Variants in ZBED6 observed in about 807,000 individuals in gnomAD.
ZBED6 encodes the protein zinc finger BED domain-containing protein 6.
ZBED6 carries 40 observed loss-of-function variants against 58.4 expected under a neutral mutation model. The observed-to-expected ratio is 0.68, with a 90% CI of 0.53 to 0.89. The LOEUF (loss-of-function observed/expected upper bound fraction) is 0.89. ZBED6 is among the 40% of genes least tolerant of loss of function. The pLI, the probability that ZBED6 is intolerant of heterozygous loss-of-function variation, is 0.00. For synonymous variants in ZBED6, 439 were observed against 350.6 expected (o/e 1.25, Z -2.82); for missense variants, 1,057 against 1,003.9 (o/e 1.05, Z -0.71).
In ZBED6 at chr1:203,798,379, AT is replaced by A. The variant is rs1251796544; in HGVS notation, c.858del (p.Asn286LysfsTer7). ...CAGCACATCTCAAGAGCTGTGTGTAATATATGTAAAAGAAGTGTGAGCCGGG... is the reference window on the plus strand; with the variant it reads ...CAGCACATCTCAAGAGCTGTGTGTAAATATGTAAAAGAAGTGTGAGCCGGG... On this transcript the variant is annotated frameshift_variant, in exon 1 of 17. Transcript: ENST00000550078. LOFTEE classifies it high-confidence loss of function. The A allele has an allele frequency of 6.5e-7, 1 of 1,534,916 alleles. No individual in the cohort carries two copies. The highest frequency in any genetic ancestry group is 1.4e-5 in the African/African-American group (1 of 73,114).
At chr1:203,806,177 A>C (rs1437349536) in intron 1 of ZBED6, 2 of 486,686 alleles carry the variant, frequency 4.1e-6, no homozygotes, top group African/African-American at 4.0e-5. Flanking sequence ...TTGTCAGTGG[A>C]TTCTGCCCTG....
In ZBED6 at chr1:203,823,675, A is replaced by T. The variant is rs1055114922; in HGVS notation, c.*2874-4624A>T. Reference sequence around the variant, plus strand: ...AGCTGCTATGCTAACTCTTTTCTGCACTGAGGCTTATTGGCTGTATTGCTT... The same window carrying T: ...AGCTGCTATGCTAACTCTTTTCTGCTCTGAGGCTTATTGGCTGTATTGCTT... On this transcript the variant is annotated intron_variant, in intron 3 of 16. Coordinates refer to ENST00000550078, the Ensembl canonical transcript of ZBED6. Among the ~76,000 whole-genome samples the T allele has an allele frequency of 3.3e-5, 5 of 152,346 alleles. No homozygotes were observed. In the South Asian group the frequency reaches 1.0e-3, roughly 32 times the overall value.
intron 13 of ZBED6, 136 bp downstream of exon 13, chr1:203,848,543 TTA>T (rs1269303599): frequency 1.3e-5 from 9 of 669,712 alleles, no homozygotes; most frequent in Admixed American, 1.3e-4. Flanking sequence ...TTATAATTTC[TTA>T]TGAGAATTTC....
chr1:203,800,560 C>T, exon 1 of ZBED6: 4 of 1,099,836 alleles, frequency 3.6e-6, no homozygotes, highest in Non-Finnish European at 4.8e-6. Flanking sequence ...ATAAACACAT[C>T]TGGGGAAACC....
At chr1:203,837,538 T>C (rs1394853414) in intron 9 of ZBED6, among the ~76,000 whole-genome samples, 1 of 151,864 alleles carries the variant, frequency 6.6e-6, no homozygotes, top group Non-Finnish European at 1.5e-5. Context: ...AGTATTATGA[T>C]CATAGCTCAC....
intron 12 of ZBED6, 43 bp from the exon 13 acceptor site, chr1:203,848,288 A>G (rs1309304510): frequency 9.3e-6 from 14 of 1,507,380 alleles, no homozygotes; most frequent in Admixed American, 3.8e-5. Flanking sequence ...ATGAAGTTGC[A>G]GCTTAAATAA....
At chr1:203,847,749 G>T in intron 12 of ZBED6, 62 bp downstream of exon 12, 1 of 1,557,240 alleles carries the variant, frequency 6.4e-7, no homozygotes, top group Admixed American at 2.0e-5. Flanking sequence ...GGAGTGTTCC[G>T]TGGGATCTTC....
chr1:203,840,401 G>T, intron 11 of ZBED6, 27 bp downstream of exon 11: 1 of 1,597,824 alleles, frequency 6.3e-7, no homozygotes, highest in Non-Finnish European at 8.5e-7. Flanking sequence ...ACCAGATTCT[G>T]ATTATTTTTT....
chr1:203,798,654 A>G lies in ZBED6; in HGVS notation c.1132A>G (p.Arg378Gly), dbSNP rs527242325. 4 of 1,536,152 alleles carry G rather than the reference A, an allele frequency of 2.6e-6. No individual in the cohort carries two copies. The Admixed American group carries it at 5.9e-5, about 23-fold the overall frequency. Reference sequence around the variant, plus strand: ...TGAACCTATGTTAGAGGTTGAAAACAGATCTGAAAGTCCTATTCCCGTTGC... The same window carrying G: ...TGAACCTATGTTAGAGGTTGAAAACGGATCTGAAAGTCCTATTCCCGTTGC... The change falls in exon 1 of 17, where the codon AGA (arginine) becomes GGA (glycine). Residue 378 changes from arginine (R) to glycine (G), a missense_variant. Transcript: ENST00000550078.
rs373591619 is a variant in ZBED6 at position 203,806,830 on chromosome 1, C to CTTTTTTTTTTT, written c.*2554+3821_*2554+3831dup. Among the ~76,000 whole-genome samples, 4 of 117,854 alleles carry CTTTTTTTTTTT rather than the reference C, an allele frequency of 3.4e-5. 1 individual carries two copies. Among genetic ancestry groups the CTTTTTTTTTTT allele is most frequent in the Non-Finnish European group, 6.8e-5 (4 of 58,814 alleles). The allele number at this position is 117,854 out of a possible 152,430, so 77.3% of individuals were successfully genotyped here. ...TGAGTGGATATTGCACCTCAGGTTC[C>CTTTTTTTTTTT]TTTTTTTTTTTTTTTTTGCTATTTT... On this transcript the variant is annotated intron_variant, in intron 1 of 16. Transcript: ENST00000550078.
chr1:203,829,389 AT>A, intron 4 of ZBED6, 61 bp from the exon 5 acceptor site: 1 of 1,570,266 alleles, frequency 6.4e-7, no homozygotes, highest in Non-Finnish European at 8.8e-7. Flanking sequence ...GTGGTCAGGA[AT>A]TTTTGGTAAG....
exon 1 of ZBED6, chr1:203,799,780 C>T: frequency 1.9e-6 from 2 of 1,027,220 alleles, no homozygotes; most frequent in Middle Eastern, 2.0e-4. Context: ...GAAACAGATA[C>T]CCTACTAAGT....
intron 11 of ZBED6, among the ~76,000 whole-genome samples, chr1:203,842,140 C>T (rs1408907661): frequency 6.7e-6 from 1 of 150,306 alleles, no homozygotes; most frequent in Non-Finnish European, 1.5e-5. Context: ...GGAAGGGCTC[C>T]TCACATCCCA....
rs7551566 is a variant in ZBED6, at chr1:203,850,188, G to A, written c.*4638+162G>A. On this transcript the variant is annotated intron_variant, in intron 14 of 16. Transcript: ENST00000550078. ...TGATATTTTTATACAGAGGCAAAACGAGATGAATTCTTTTCTCAGAATTTA... is the reference window on the plus strand; with the variant it reads ...TGATATTTTTATACAGAGGCAAAACAAGATGAATTCTTTTCTCAGAATTTA... 2.4e-4 allele frequency: 166 copies of A among 700,272 alleles called. No individual in the cohort carries two copies. The African/African-American group carries it at 2.5e-3, about 11-fold the overall frequency. 43.4% of individuals were successfully genotyped at this position (700,272 alleles called of 1,614,324 possible).
At position 203,815,216 on chromosome 1, in the gene ZBED6, C is replaced by CTTTTTTTTTTTTTTT. The variant is rs59254922; in HGVS notation, c.*2555-1708_*2555-1694dup. On this transcript the variant is annotated intron_variant, in intron 1 of 16. Coordinates refer to ENST00000550078, the Ensembl canonical transcript of ZBED6. ...TTCATTATTTTCTTCCTTTTCTTTT[C>CTTTTTTTTTTTTTTT]TTTTTTTTTTTTTTTTGAGACAGTG... Among the ~76,000 whole-genome samples, 143 of 97,122 alleles carry CTTTTTTTTTTTTTTT rather than the reference C, an allele frequency of 1.5e-3. 11 individuals are homozygous for CTTTTTTTTTTTTTTT. The highest frequency in any genetic ancestry group is 1.8e-3 in the Non-Finnish European group (95 of 51,626). 63.7% of individuals were successfully genotyped at this position (97,122 alleles called of 152,430 possible). A position where few individuals can be genotyped will look rare whatever the true frequency, so the allele number is the denominator to read the frequency against.
intron 7 of ZBED6, among the ~76,000 whole-genome samples, chr1:203,831,001 A>C (rs562861302): frequency 8.1e-6 from 1 of 123,760 alleles, no homozygotes; most frequent in African/African-American, 3.2e-5. Flanking sequence ...GCTGGAGTGC[A>C]ATGGCGCAAT....
intron 3 of ZBED6, among the ~76,000 whole-genome samples, chr1:203,824,576 T>C (rs1045484505): frequency 2.6e-5 from 4 of 152,178 alleles, no homozygotes; most frequent in African/African-American, 9.7e-5. Flanking sequence ...ATGTGTCACA[T>C]TGGTTCACAA....
At chr1:203,831,324 G>A (rs1682289117) in intron 7 of ZBED6, among the ~76,000 whole-genome samples, 1 of 152,028 alleles carries the variant, frequency 6.6e-6, no homozygotes, top group Non-Finnish European at 1.5e-5. Flanking sequence ...AAATAGAATA[G>A]GTTGGATTGA....
chr1:203,822,442 C>G (rs963908454), intron 3 of ZBED6, among the ~76,000 whole-genome samples: 1 of 151,974 alleles, frequency 6.6e-6, no homozygotes, highest in South Asian at 2.1e-4. Flanking sequence ...CCAACACGAT[C>G]CCTATAATGG....
Sources: gnomAD v4.1 joint callset for allele counts (sites outside exome capture counted in the v4.1 genomes callset) on GRCh38, gnomAD v4.1.1 for gene constraint, MANE v1.5 for transcripts, NCBI Gene and HGNC (gene_info 2026-07-23, HGNC 2026-07-21) for gene names.